The following CHD2 variants were observed in gnomAD, a reference collection of about 807,000 sequenced individuals.
The protein encoded by CHD2 is chromodomain helicase DNA binding protein 2.
A neutral mutation model predicts 243.9 loss-of-function variants in CHD2; 28 were observed. The ratio of observed to expected loss-of-function variants is 0.11; its 90% CI spans 0.09 to 0.16. The LOEUF (loss-of-function observed/expected upper bound fraction) is 0.16, where lower values mean the gene tolerates loss of function less well. Among genes scored for constraint, CHD2 ranks in the 10% least tolerant of loss-of-function variants. The pLI is 1.00. For missense variants in CHD2, 1,386 were observed against 2,209.8 expected, an observed-to-expected ratio of 0.63 and a Z score of 7.47; for synonymous variants, 775 against 779.0, an observed-to-expected ratio of 0.99 and a Z score of 0.09.
chr15:92,974,028 A>C (rs2053876296), intron 19 of CHD2: 1 of 152,216 alleles, frequency 6.6e-6, no homozygotes. Flanking sequence ...GCTGCCAGCC[A>C]AGTCACCTTT....
chr15:92,982,500 A>G (rs1204822152), intron 24 of CHD2, among the ~76,000 whole-genome samples: 2 of 152,190 alleles, frequency 1.3e-5, no homozygotes, highest in East Asian at 3.8e-4. Flanking sequence ...TGGCTATCCC[A>G]AGGTGGGAGA....
At chr15:92,960,039 A>G (rs1053240965) in intron 16 of CHD2, among the ~76,000 whole-genome samples, 16 of 152,192 alleles carry the variant, frequency 1.1e-4, no homozygotes, top group African/African-American at 3.9e-4. Flanking sequence ...TAGATCTTCT[A>G]TAATTTTTCT....
intron 27 of CHD2, 152 bp downstream of exon 27, chr15:92,991,669 C>T (rs1311635422): frequency 1.9e-6 from 1 of 517,686 alleles, no homozygotes; most frequent in African/African-American, 2.0e-5. Context: ...TATTGGGTGC[C>T]TGTTCATTCA....
intron 26 of CHD2, among the ~76,000 whole-genome samples, chr15:92,988,921 T>C (rs977315380): frequency 2.0e-5 from 3 of 152,104 alleles, no homozygotes; most frequent in Non-Finnish European, 4.4e-5. Context: ...TAAATATTTA[T>C]AATAGCTGAT....
intron 35 of CHD2, among the ~76,000 whole-genome samples, chr15:93,009,747 C>T (rs989269183): frequency 5.3e-5 from 8 of 152,150 alleles, no homozygotes; most frequent in East Asian, 1.9e-4. Context: ...AGATTAAAAC[C>T]GCAAGAACTA....
intron 5 of CHD2, among the ~76,000 whole-genome samples, chr15:92,933,700 G>C (rs894280164): frequency 6.6e-6 from 1 of 152,074 alleles, no homozygotes; most frequent in Non-Finnish European, 1.5e-5. Flanking sequence ...TGACCTCCTG[G>C]GCTCAAGTGA....
intron 3 of CHD2, among the ~76,000 whole-genome samples, chr15:92,925,988 A>T (rs759802468): frequency 1.3e-5 from 2 of 152,170 alleles, no homozygotes; most frequent in Non-Finnish European, 2.9e-5. Flanking sequence ...TTTCATAAAG[A>T]TGAGACAGGG....
At chr15:93,002,357 T>C (rs2054268117) in intron 33 of CHD2, 40 bp downstream of exon 33, 2 of 1,567,318 alleles carry the variant, frequency 1.3e-6, no homozygotes, top group Admixed American at 2.2e-5. Context: ...TCCACAGCCT[T>C]TGCAATTCGC....
chr15:92,948,287 C>T (rs2053502597), intron 12 of CHD2, among the ~76,000 whole-genome samples: 1 of 152,126 alleles, frequency 6.6e-6, no homozygotes, highest in Non-Finnish European at 1.5e-5. Context: ...TAGCATATGA[C>T]AGCTGGAGGC....
At chr15:92,926,063 C>A (rs1209713190) in intron 3 of CHD2, among the ~76,000 whole-genome samples, 1 of 152,212 alleles carries the variant, frequency 6.6e-6, no homozygotes, top group Non-Finnish European at 1.5e-5. Context: ...CCTTGATCTT[C>A]TGGGTTCAAG....
At chr15:92,953,649 G>A in intron 14 of CHD2, 76 bp downstream of exon 14, 1 of 1,300,620 alleles carries the variant, frequency 7.7e-7, no homozygotes, top group South Asian at 1.2e-5. Flanking sequence ...GCCTTCAGTA[G>A]ATCATCAGTA....
At chr15:92,935,272 G>A (rs537557855) in intron 5 of CHD2, among the ~76,000 whole-genome samples, 20 of 152,206 alleles carry the variant, frequency 1.3e-4, no homozygotes, top group African/African-American at 4.3e-4. Flanking sequence ...TACTGACCTC[G>A]TGATCCGCCC....
In CHD2 at chr15:92,972,030, C is replaced by G. The variant is rs2053848121; in HGVS notation, c.2352+103C>G. 5 of 1,268,268 alleles carry G rather than the reference C, an allele frequency of 3.9e-6. No individual in the cohort carries two copies. In the Admixed American group the frequency reaches 1.3e-4, roughly 34 times the overall value. The allele number at this position is 1,268,268 out of a possible 1,614,324, so 78.6% of individuals were successfully genotyped here. A position where few individuals can be genotyped will look rare whatever the true frequency, so the allele number is the denominator to read the frequency against. ...TCCTTGTTGGTGACCTATCAAGGAT[C>G]ATCAAAGGAAGCTTTAAAAATGGGA... is the stretch of plus-strand genomic sequence containing the variant. On this transcript the variant is annotated intron_variant, in intron 18 of 38. Transcript: ENST00000394196.
At chr15:92,988,713 C>T (rs534732423) in intron 26 of CHD2, among the ~76,000 whole-genome samples, 1 of 151,882 alleles carries the variant, frequency 6.6e-6, no homozygotes, top group East Asian at 1.9e-4. Flanking sequence ...TTTGGCAGTT[C>T]TCTCTTCTTC....
chr15:92,962,231 C>G (rs2053700430), intron 16 of CHD2, among the ~76,000 whole-genome samples: 1 of 151,748 alleles, frequency 6.6e-6, no homozygotes. Flanking sequence ...CCTTTGCTTG[C>G]TTTTCATTTA....
intron 20 of CHD2, 40 bp downstream of exon 20, chr15:92,974,990 T>C (rs2053888955): frequency 2.6e-6 from 4 of 1,539,034 alleles, no homozygotes; most frequent in Non-Finnish European, 3.6e-6. Context: ...CAACTTGGGC[T>C]CTGCATCAAG....
intron 2 of CHD2, chr15:92,901,977 A>T (rs1460657030): frequency 2.6e-6 from 1 of 380,276 alleles, no homozygotes; most frequent in Non-Finnish European, 4.6e-6. Flanking sequence ...TAATAACAGA[A>T]ATCCTGGAAT....
intron 14 of CHD2, chr15:92,954,389 T>A (rs567816225): frequency 4.6e-5 from 7 of 152,354 alleles, no homozygotes; most frequent in African/African-American, 1.2e-4. Flanking sequence ...TATAAACTAT[T>A]TCTGGGAAAT....
intron 16 of CHD2, among the ~76,000 whole-genome samples, chr15:92,958,994 G>A (rs891720568): frequency 6.6e-6 from 1 of 152,194 alleles, no homozygotes; most frequent in Non-Finnish European, 1.5e-5. Flanking sequence ...TGTAAGTTGA[G>A]GAGCATCTGT....
Sources: allele counts gnomAD v4.1 joint callset (sites outside exome capture counted in the v4.1 genomes callset), GRCh38; gene constraint gnomAD v4.1.1; transcripts MANE v1.5; gene names NCBI Gene and HGNC (gene_info 2026-07-23, HGNC 2026-07-21).